The following SHOC1 variants were observed in gnomAD, a reference collection of about 807,000 sequenced individuals.
The protein encoded by SHOC1 is protein shortage in chiasmata 1 ortholog.
A neutral mutation model predicts 179.2 loss-of-function variants in SHOC1; 136 were observed. The ratio of observed to expected loss-of-function variants is 0.76; its 90% confidence interval spans 0.66 to 0.87. SHOC1 has a LOEUF of 0.87. SHOC1 is among the 40% of genes least tolerant of loss of function. SHOC1 has a pLI of 0.00. For synonymous variants in SHOC1, 489 were observed against 586.6 expected, an observed-to-expected ratio of 0.83 and a Z score of 2.41; for missense variants, 1,538 against 1,700.8, an observed-to-expected ratio of 0.90 and a Z score of 1.68.
intron 18 of SHOC1, among the ~76,000 whole-genome samples, chr9:111,711,597 TACA>T (rs1832553028): frequency 6.6e-6 from 1 of 152,208 alleles, no homozygotes; most frequent in South Asian, 2.1e-4. Context: ...CTGGTTTTTC[TACA>T]ACAATGGTAG....
intron 27 of SHOC1, among the ~76,000 whole-genome samples, chr9:111,690,971 G>A (rs931409425): frequency 1.3e-5 from 2 of 152,110 alleles, no homozygotes; most frequent in South Asian, 4.1e-4. Flanking sequence ...TAGATGCTTG[G>A]GCCAATGCAG....
intron 19 of SHOC1, 141 bp downstream of exon 19, chr9:111,707,714 A>G (rs745620795): frequency 9.9e-6 from 6 of 605,848 alleles, no homozygotes; most frequent in Non-Finnish European, 1.5e-5. Flanking sequence ...TGCCCTATGT[A>G]AAGCATTTTT....
At chr9:111,783,979 A>C (rs1362634664) in intron 3 of SHOC1, among the ~76,000 whole-genome samples, 4 of 149,614 alleles carry the variant, frequency 2.7e-5, no homozygotes, top group Non-Finnish European at 6.0e-5. Flanking sequence ...TGCTAGGCTA[A>C]AGCACTGAAG....
chr9:111,741,610 G>T, intron 10 of SHOC1, 40 bp from the exon 11 acceptor site: 2 of 1,044,198 alleles, frequency 1.9e-6, no homozygotes, highest in South Asian at 1.6e-5. Context: ...TAATAATATT[G>T]AGTCTTTTGT....
chr9:111,691,642 G>A lies in SHOC1; in HGVS notation c.4335C>T (p.Ser1445=). The change falls in exon 27 of 28, where the codon AGC becomes AGT. Residue 1445 remains serine, a synonymous_variant. Transcript: ENST00000682961. ...DSNANQKEFN[S]LYFYQRAGKS... ...TTCCAGCTCTTTGGTAGAAATAAAG[G>A]CTGTTGAATTCTTTTTGATTTGCAT... The A allele has an allele frequency of 6.2e-7, 1 of 1,613,888 alleles. No homozygotes were observed. Among genetic ancestry groups the A allele is most frequent in the Non-Finnish European group, 8.5e-7 (1 of 1,179,934 alleles).
intron 23 of SHOC1, among the ~76,000 whole-genome samples, chr9:111,701,580 C>T (rs773519028): frequency 2.6e-5 from 4 of 152,016 alleles, no homozygotes; most frequent in Non-Finnish European, 5.9e-5. Context: ...GCTTAAAATG[C>T]TTTACAAGAA....
At chr9:111,761,026 T>C (rs974998009) in intron 5 of SHOC1, among the ~76,000 whole-genome samples, 6 of 151,998 alleles carry the variant, frequency 3.9e-5, no homozygotes, top group African/African-American at 1.4e-4. Context: ...AAATAGATCA[T>C]AATAGAAAAT....
intron 3 of SHOC1, chr9:111,783,372 G>A (rs1191416051): frequency 6.6e-6 from 1 of 152,112 alleles, no homozygotes; most frequent in African/African-American, 2.4e-5. Flanking sequence ...TCTTATCAAA[G>A]TCATCAATGA....
rs190371409 is a variant in SHOC1 at position 111,686,754 on chromosome 9, T to C, written c.*16A>G. On this transcript the variant is annotated 3_prime_UTR_variant, in exon 28 of 28. Transcript: ENST00000682961. ...AAACAGTGGAATATGGCATGTAACA[T>C]TGCTCTTCTCCTCCTTCAAAAAAAC... 8.5e-5 allele frequency: 131 copies of C among 1,538,458 alleles called. 1 individual carries two copies. In the African/African-American group the frequency reaches 1.3e-3, roughly 16 times the overall value.
chr9:111,721,345 T>C (rs1833039868), intron 15 of SHOC1, among the ~76,000 whole-genome samples: 1 of 152,184 alleles, frequency 6.6e-6, no homozygotes, highest in Non-Finnish European at 1.5e-5. Context: ...TTGTTTGTTT[T>C]TGTTTTTGTT....
intron 8 of SHOC1, among the ~76,000 whole-genome samples, chr9:111,753,349 C>T (rs1176247300): frequency 5.9e-5 from 9 of 152,054 alleles, no homozygotes; most frequent in Non-Finnish European, 8.8e-5. Context: ...CCAAAGACAT[C>T]ACAAGAAAAT....
chr9:111,697,757 G>A (rs1831771792), intron 24 of SHOC1, among the ~76,000 whole-genome samples: 1 of 152,188 alleles, frequency 6.6e-6, no homozygotes, highest in Admixed American at 6.5e-5. Flanking sequence ...GATCCTAGAG[G>A]AATCGCCACA....
rs1048696834 is a variant in SHOC1 at position 111,780,841 on chromosome 9, A to G, written c.257+89T>C. 4.9e-5 allele frequency: 42 copies of G among 862,384 alleles called. 1 individual carries two copies. Among genetic ancestry groups the G allele is most frequent in the Non-Finnish European group, 7.2e-5 (39 of 543,728 alleles). The allele number at this position is 862,384 out of a possible 1,614,324, so 53.4% of individuals were successfully genotyped here. ...AAGAAAATCCATGAAGAGATAAAGG[A>G]AGAGATTTTCCCTCTTTAGGTATCT... On this transcript the variant is annotated intron_variant, in intron 4 of 27. Transcript: ENST00000682961.
At chr9:111,736,881 C>T (rs1030672037) in intron 12 of SHOC1, among the ~76,000 whole-genome samples, 5 of 151,896 alleles carry the variant, frequency 3.3e-5, no homozygotes, top group African/African-American at 9.7e-5. Flanking sequence ...AAAAAACCAC[C>T]CCATTAAAAA....
chr9:111,753,710 C>T (rs773024182), intron 8 of SHOC1, among the ~76,000 whole-genome samples: 3 of 152,010 alleles, frequency 2.0e-5, no homozygotes, highest in Non-Finnish European at 2.9e-5. Context: ...GGACAAGAAC[C>T]ATATGATCAT....
chr9:111,744,609 C>G (rs150228892), intron 10 of SHOC1, among the ~76,000 whole-genome samples: 1,633 of 152,224 alleles, frequency 0.011, 70 homozygotes, highest in Admixed American at 0.076. Context: ...GAATTCAAAC[C>G]TAACACACAC....
chr9:111,758,799 G>T lies in SHOC1; in HGVS notation c.492C>A (p.His164Gln), dbSNP rs572225473. The change falls in exon 6 of 28, where the codon CAC becomes CAA. Residue 164 changes from histidine to glutamine, a missense_variant. Physicochemically the swap from His to Gln is conservative, Grantham distance 24. Coordinates refer to ENST00000682961, the MANE Select transcript of SHOC1 (RefSeq NM_001378211.1). ...KGILFVSSRK[H>Q]LPTLPTLLSR... ...TCAAGAGAGTAGGCAAAGTTGGTAG[G>T]TGTTTTCTACTACTTACAAAAAGTA... 1 of 1,585,470 alleles carries T rather than the reference G, an allele frequency of 6.3e-7. No individual in the cohort carries two copies. Among genetic ancestry groups the T allele is most frequent in the East Asian group, 2.2e-5 (1 of 44,614 alleles).
chr9:111,778,790 A>G (rs1266333406), intron 4 of SHOC1, among the ~76,000 whole-genome samples: 9 of 147,730 alleles, frequency 6.1e-5, no homozygotes, highest in African/African-American at 1.3e-4. Context: ...AAAAAAAAAA[A>G]AGAGACAGAG....
rs552638392 is a variant in SHOC1, at chr9:111,738,981, T to C, written c.1175-459A>G. Among the ~76,000 whole-genome samples the C allele has an allele frequency of 1.0e-3, 154 of 152,228 alleles. 2 individuals carry two copies. The highest frequency in any genetic ancestry group is 3.5e-3 in the African/African-American group (145 of 41,568). On this transcript the variant is annotated intron_variant, in intron 11 of 27. Coordinates refer to ENST00000682961, the MANE Select transcript of SHOC1 (RefSeq NM_001378211.1). ...TTGTGGTACAGCGCTTACTGCCTCA[T>C]TACTTTCTAGCCTAAACGGGAGAAA... is the stretch of plus-strand genomic sequence containing the variant.
Sources: gnomAD v4.1 joint callset for allele counts (sites outside exome capture counted in the v4.1 genomes callset) on GRCh38, gnomAD v4.1.1 for gene constraint, MANE v1.5 for transcripts, NCBI Gene and HGNC (gene_info 2026-07-23, HGNC 2026-07-21) for gene names.